Variants in DNER observed in about 807,000 individuals in gnomAD.
DNER encodes delta/notch like EGF repeat containing.
DNER carries 33 observed loss-of-function variants against 78.2 expected under a neutral mutation model. The observed-to-expected ratio is 0.42, with a 90% CI of 0.32 to 0.56. DNER has a LOEUF of 0.56. Among genes scored for constraint, DNER ranks in the 20% least tolerant of loss-of-function variants. The pLI is 0.11. For synonymous variants in DNER, 417 were observed against 384.8 expected (o/e 1.08, Z -0.98); for missense variants, 918 against 975.3 (o/e 0.94, Z 0.78).
intron 4 of DNER, among the ~76,000 whole-genome samples, chr2:229,579,615 G>T (rs1020931138): frequency 2.6e-5 from 4 of 152,080 alleles, no homozygotes; most frequent in African/African-American, 9.7e-5. Flanking sequence ...CTCCTGAGAA[G>T]GATGCATGGA....
Position 229,512,872 on chromosome 2 carries a change from C to A in DNER, c.1058G>T (p.Cys353Phe). ...GTTGTTTTGGCAAGGTTTCCTCTGGCAAGCATCGTATTCTTCACAGAAAGT... is the reference window on the plus strand; with the variant it reads ...GTTGTTTTGGCAAGGTTTCCTCTGGAAAGCATCGTATTCTTCACAGAAAGT... ...VGTFCEEYDA[C>F]QRKPCQNNAS... The change falls in exon 6 of 13, where the codon TGC (cysteine) becomes TTC (phenylalanine). Residue 353 changes from cysteine (C) to phenylalanine (F), a missense_variant. Transcript: ENST00000341772. 6.2e-7 allele frequency: 1 copy of A among 1,614,140 alleles called. No homozygotes were observed. Among genetic ancestry groups the A allele is most frequent in the African/African-American group, 1.3e-5 (1 of 75,032 alleles).
chr2:229,390,703 C>T (rs557762321), intron 10 of DNER, among the ~76,000 whole-genome samples: 3 of 152,374 alleles, frequency 2.0e-5, no homozygotes, highest in East Asian at 1.9e-4. Context: ...CTTACAGTTA[C>T]ACTGGGGATT....
At chr2:229,418,381 T>C in intron 8 of DNER, 151 bp from the exon 9 acceptor site, 3 of 1,101,688 alleles carry the variant, frequency 2.7e-6, no homozygotes, top group African/African-American at 1.6e-5. Context: ...GGGGTAAAGT[T>C]GAAAGGTGGA....
intron 1 of DNER, among the ~76,000 whole-genome samples, chr2:229,694,750 T>TTTGA (rs1188867859): frequency 6.6e-6 from 1 of 152,336 alleles, no homozygotes; most frequent in East Asian, 1.9e-4. Context: ...CTAACTTGCT[T>TTTGA]TTGATTTTAC....
At chr2:229,431,247 G>A (rs1693997576) in intron 8 of DNER, among the ~76,000 whole-genome samples, 1 of 152,102 alleles carries the variant, frequency 6.6e-6, no homozygotes, top group Admixed American at 6.6e-5. Flanking sequence ...GAAAATCTGG[G>A]ACTATATGGA....
chr2:229,477,969 C>T (rs552752198), intron 6 of DNER, among the ~76,000 whole-genome samples: 4 of 152,262 alleles, frequency 2.6e-5, no homozygotes, highest in Admixed American at 2.0e-4. Context: ...AGTCAAAAAG[C>T]TTTAAATACT....
chr2:229,694,037 C>T (rs373234721), intron 1 of DNER, among the ~76,000 whole-genome samples: 38 of 152,340 alleles, frequency 2.5e-4, no homozygotes, highest in African/African-American at 8.9e-4. Context: ...AGCCTTGGGA[C>T]ATGGTGCCTT....
At chr2:229,566,898 T>A (rs1312734459) in intron 4 of DNER, among the ~76,000 whole-genome samples, 8 of 152,074 alleles carry the variant, frequency 5.3e-5, no homozygotes, top group Admixed American at 4.6e-4. Context: ...GATAAATGTG[T>A]TTTTCAACCT....
chr2:229,610,772 A>G (rs753896631), intron 1 of DNER, among the ~76,000 whole-genome samples: 8 of 152,242 alleles, frequency 5.3e-5, no homozygotes, highest in Non-Finnish European at 7.3e-5. Context: ...TTAAAGAACC[A>G]TAAGAGCAGC....
intron 5 of DNER, among the ~76,000 whole-genome samples, chr2:229,519,799 C>T (rs1233245318): frequency 1.3e-5 from 2 of 152,116 alleles, no homozygotes; most frequent in African/African-American, 2.4e-5. Flanking sequence ...GCAATGGTGG[C>T]ATTTTAGTTC....
At chr2:229,361,418 T>G (rs1257140827) in intron 12 of DNER, among the ~76,000 whole-genome samples, 1 of 152,192 alleles carries the variant, frequency 6.6e-6, no homozygotes, top group Non-Finnish European at 1.5e-5. Flanking sequence ...CAAACTATAG[T>G]CCACAGGCCA....
At chr2:229,569,542 T>A (rs537407460) in intron 4 of DNER, among the ~76,000 whole-genome samples, 78 of 151,752 alleles carry the variant, frequency 5.1e-4, no homozygotes, top group African/African-American at 1.8e-3. Flanking sequence ...AAAAAAAAAA[T>A]TTTTTAAGTT....
At chr2:229,590,674 T>C (rs78877791) in intron 2 of DNER, among the ~76,000 whole-genome samples, 2,392 of 152,270 alleles carry the variant, frequency 0.016, 68 homozygotes, top group African/African-American at 0.055. Flanking sequence ...CATGTGAGGT[T>C]ACAGTGAGAA....
chr2:229,653,498 G>T (rs953215966), intron 1 of DNER, among the ~76,000 whole-genome samples: 7 of 152,182 alleles, frequency 4.6e-5, no homozygotes, highest in African/African-American at 1.7e-4. Context: ...TTTCTTCTCA[G>T]TGGATGGCCA....
chr2:229,404,851 G>A (rs192100202), intron 10 of DNER, among the ~76,000 whole-genome samples: 3 of 152,220 alleles, frequency 2.0e-5, no homozygotes, highest in African/African-American at 7.2e-5. Flanking sequence ...CATAATAGAG[G>A]AGAATATTTC....
chr2:229,381,118 G>C (rs1692725411), intron 11 of DNER, among the ~76,000 whole-genome samples: 1 of 152,046 alleles, frequency 6.6e-6, no homozygotes, highest in African/African-American at 2.4e-5. Flanking sequence ...ACAGCCCATG[G>C]AGGGCGAGCA....
chr2:229,681,827 A>AACACAC (rs72248647), intron 1 of DNER, among the ~76,000 whole-genome samples: 24,354 of 144,194 alleles, frequency 0.17, 2,262 homozygotes, highest in Non-Finnish European at 0.22. Context: ...CTCTGCCTAA[A>AACACAC]ACACACACAC....
chr2:229,364,840 C>T (rs1261548364), intron 12 of DNER, among the ~76,000 whole-genome samples: 2 of 139,990 alleles, frequency 1.4e-5, no homozygotes, highest in African/African-American at 5.5e-5. Flanking sequence ...ATGTCTCTCT[C>T]TCTCTTTTTT....
At position 229,358,418 on chromosome 2, in the gene DNER, T is replaced by C; in HGVS notation, c.*122A>G. 1 of 818,646 alleles carries C rather than the reference T, an allele frequency of 1.2e-6. No individual in the cohort carries two copies. Among genetic ancestry groups the C allele is most frequent in the Non-Finnish European group, 1.8e-6 (1 of 558,842 alleles). 50.7% of individuals were successfully genotyped at this position (818,646 alleles called of 1,614,324 possible). A position where few individuals can be genotyped will look rare whatever the true frequency, so the allele number is the denominator to read the frequency against. On this transcript the variant is annotated 3_prime_UTR_variant, in exon 13 of 13. Transcript: ENST00000341772. ...CTAAAAGCTGCAGAAAATTAGTTCT[T>C]AAATATTCTACTGAAAACTCTTGAG...
Sources: allele counts gnomAD v4.1 joint callset (sites outside exome capture counted in the v4.1 genomes callset), GRCh38; gene constraint gnomAD v4.1.1; transcripts MANE v1.5; gene names NCBI Gene and HGNC (gene_info 2026-07-23, HGNC 2026-07-21).